Variants in LAMB2 observed in about 807,000 individuals in gnomAD.
LAMB2 encodes laminin subunit beta-2.
LAMB2 carries 119 observed loss-of-function variants against 202.7 expected under a neutral mutation model. The observed-to-expected ratio is 0.59, with a 90% CI of 0.51 to 0.68. The LOEUF is 0.68. Ranked by LOEUF, LAMB2 falls within the 30% of genes least tolerant of loss-of-function variation. LAMB2 has a pLI of 0.00. For missense variants in LAMB2, 2,124 were observed against 2,410.6 expected (o/e 0.88, Z 2.49); for synonymous variants, 818 against 902.2 (o/e 0.91, Z 1.67).
At position 49,130,145 on chromosome 3, in the gene LAMB2, A is replaced by G. The variant is rs2045465505; in HGVS notation, c.1225+86T>C. On this transcript the variant is annotated intron_variant, in intron 9 of 31. Coordinates refer to ENST00000305544, the MANE Select transcript of LAMB2 (RefSeq NM_002292.4). The surrounding 1 kb of genome is among the most constrained non-coding windows in gnomAD (Gnocchi z 5.0). ...GTTCTATCCCAAGCCCCTAACCCCA[A>G]TTTCCTGCAATTTAGACAGCAGTCC... 3.1e-6 allele frequency: 5 copies of G among 1,592,410 alleles called. No individual in the cohort carries two copies. The highest frequency in any genetic ancestry group is 4.3e-6 in the Non-Finnish European group (5 of 1,163,202).
At position 49,123,164 on chromosome 3, in the gene LAMB2, G is replaced by A. The variant is rs2045368274; in HGVS notation, c.4192C>T (p.His1398Tyr). ...RALGKLSAHT[H>Y]TLSLTDINEL... is the part of the protein sequence containing the mutation. ...TTTATGTCTGTCAGGCTCAGGGTGT[G>A]GGTATGGGCAGAGAGCTTGCCAAGT... Residue 1398 changes from histidine to tyrosine, a missense_variant, in exon 26 of 32, where the codon CAC (histidine) becomes TAC (tyrosine). Transcript: ENST00000305544. 2 of 1,613,500 alleles carry A rather than the reference G, an allele frequency of 1.2e-6. No individual in the cohort carries two copies. Among genetic ancestry groups the A allele is most frequent in the Non-Finnish European group, 1.7e-6 (2 of 1,180,008 alleles).
In LAMB2 at chr3:49,132,886, G is replaced by C. The variant is rs1384950435; in HGVS notation, c.-19C>G. The stretch of plus-strand genomic sequence containing the variant: ...GCTCCATCCTGAAGAGGGGAACAGG[G>C]ATAAGGGGAGGTGAACGGTCTCGGG... On this transcript the variant is annotated 5_prime_UTR_variant, in exon 1 of 32. It adds an upstream start codon to the 5' untranslated region. Transcript: ENST00000305544. This position sits in a 1 kb window ranked among gnomAD's most constrained non-coding sequence, Gnocchi z 4.6. The C allele has an allele frequency of 1.9e-6, 3 of 1,611,586 alleles. No homozygotes were observed. The highest frequency in any genetic ancestry group is 2.5e-6 in the Non-Finnish European group (3 of 1,177,810).
Position 49,131,072 on chromosome 3 carries a change from C to T in LAMB2, c.793G>A (p.Glu265Lys), listed in dbSNP as rs1407149160. The T allele has an allele frequency of 1.2e-6, 2 of 1,613,830 alleles. No homozygotes were observed. Among genetic ancestry groups the T allele is most frequent in the East Asian group, 2.2e-5 (1 of 44,890 alleles). The change falls in exon 7 of 32, where the codon GAG (glutamate) becomes AAG (lysine). Residue 265 changes from glutamate to lysine, a missense_variant. Around this residue, in one of 3 missense-constraint regions of LAMB2, gnomAD observed 256 missense variants for 356.1 expected, o/e 0.72. Transcript: ENST00000305544. The surrounding 1 kb of genome is among the most constrained non-coding windows in gnomAD (Gnocchi z 5.0). ...GCATAGTAGTACTTCTCTCGGATCT[C>T]CCTCCGTGGGTCGAGTAGGTTGTCT... ...LGDNLLDPRR[E>K]IREKYYYALY...
chr3:49,124,373 G>A, intron 22 of LAMB2, 22 bp downstream of exon 22: 1 of 1,612,808 alleles, frequency 6.2e-7, no homozygotes, highest in South Asian at 1.1e-5. Flanking sequence ...TCTAACCAGG[G>A]ATCTGCAGGA....
chr3:49,125,866 G>A lies in LAMB2; in HGVS notation c.2369C>T (p.Ser790Leu). The change falls in exon 18 of 32, where the codon TCA becomes TTA. Residue 790 changes from serine to leucine, a missense_variant. Ser to Leu is a moderately radical substitution (Grantham distance 145, BLOSUM62 -2). Around this residue, in one of 3 missense-constraint regions of LAMB2, gnomAD observed 1,702 missense variants for 1,896.3 expected, o/e 0.90. Transcript: ENST00000305544. ...ATGAGGGTTGCACTCAGAACTCAGTGAACCTTGAGGGTTGCACTGACATGC... is the reference window on the plus strand; with the variant it reads ...ATGAGGGTTGCACTCAGAACTCAGTAAACCTTGAGGGTTGCACTGACATGC... ...ALPCQCNPQG[S>L]LSSECNPHGG... The A allele has an allele frequency of 1.2e-6, 2 of 1,614,102 alleles. No homozygotes were observed. The highest frequency in any genetic ancestry group is 2.2e-5 in the East Asian group (1 of 44,876).
intron 27 of LAMB2, 30 bp from the exon 28 acceptor site, chr3:49,122,400 A>G (rs1406277806): frequency 4.4e-6 from 7 of 1,599,196 alleles, no homozygotes; most frequent in Non-Finnish European, 6.0e-6. Context: ...ACTTAAGAAC[A>G]TAGATTCTCC....
chr3:49,124,190 C>T lies in LAMB2; in HGVS notation c.3424G>A (p.Ala1142Thr). The change falls in exon 23 of 32, where the codon GCC (alanine) becomes ACC (threonine). Residue 1142 changes from alanine (A) to threonine (T), a missense_variant and splice_region_variant. Ala to Thr is a moderately conservative substitution (Grantham distance 58, BLOSUM62 0). Coordinates refer to ENST00000305544, the MANE Select transcript of LAMB2 (RefSeq NM_002292.4). ...ACCCTGGCCCCGCTGGCTCCCTCAC[C>T]ATGGCACTGCAACCCAGGGTCTCCC... Reference protein sequence around the residue: ...HWGDPGLQCHACDCDSRGIDT... With the variant: ...HWGDPGLQCHTCDCDSRGIDT... 6 of 1,614,138 alleles carry T rather than the reference C, an allele frequency of 3.7e-6. No individual in the cohort carries two copies. The highest frequency in any genetic ancestry group is 2.2e-5 in the East Asian group (1 of 44,890).
In LAMB2 at chr3:49,124,914, C is replaced by G; in HGVS notation, c.2896G>C (p.Glu966Gln). The change falls in exon 21 of 32, where the codon GAA becomes CAA. Residue 966 changes from glutamate to glutamine, a missense_variant. Coordinates refer to ENST00000305544, the MANE Select transcript of LAMB2 (RefSeq NM_002292.4). The part of the protein sequence containing the change: ...CRAGYTGLRC[E>Q]ACAPGHFGDP... ...CCAAAGTGCCCAGGGGCACAAGCTT[C>G]ACATCGCAGCCCTGCCCACGGTTAA... 2 of 1,614,076 alleles carry G rather than the reference C, an allele frequency of 1.2e-6. No homozygotes were observed. The highest frequency in any genetic ancestry group is 1.7e-6 in the Non-Finnish European group (2 of 1,180,036).
In LAMB2 at chr3:49,124,920, G is replaced by A. The variant is rs730880125; in HGVS notation, c.2890C>T (p.Arg964Ter). The change falls in exon 21 of 32, where the codon CGA becomes TGA. Residue 964 changes from arginine (R) to a stop codon, truncating the protein, a stop_gained. Coordinates refer to ENST00000305544, the MANE Select transcript of LAMB2 (RefSeq NM_002292.4). LOFTEE classifies it high-confidence loss of function. ...CHCRAGYTGL[R>*]CEACAPGHFG... is the part of the protein sequence containing the mutation. ...TGCCCAGGGGCACAAGCTTCACATCGCAGCCCTGCCCACGGTTAAGAGGAA... is the reference window on the plus strand; with the variant it reads ...TGCCCAGGGGCACAAGCTTCACATCACAGCCCTGCCCACGGTTAAGAGGAA... 6 of 1,613,830 alleles carry A rather than the reference G, an allele frequency of 3.7e-6. No homozygotes were observed. The highest frequency in any genetic ancestry group is 3.4e-6 in the Non-Finnish European group (4 of 1,180,040).
rs1193418106 is a variant in LAMB2, at chr3:49,130,104, C to G, written c.1226-86G>C. On this transcript the variant is annotated intron_variant, in intron 9 of 31. Coordinates refer to ENST00000305544, the MANE Select transcript of LAMB2 (RefSeq NM_002292.4). This position sits in a 1 kb window ranked among gnomAD's most constrained non-coding sequence, Gnocchi z 5.0. The stretch of plus-strand genomic sequence containing the variant: ...TCTCCTAAGCCTAAGGGATCCCACC[C>G]TGGATCCCTGGTCAAGTTCTATCCC... 1.3e-6 allele frequency: 2 copies of G among 1,559,698 alleles called. No individual in the cohort carries two copies. Among genetic ancestry groups the G allele is most frequent in the Non-Finnish European group, 1.8e-6 (2 of 1,131,560 alleles).
chr3:49,126,592 T>C (rs2045418476), intron 15 of LAMB2, 95 bp from the exon 16 acceptor site: 2 of 1,538,088 alleles, frequency 1.3e-6, no homozygotes, highest in Non-Finnish European at 1.8e-6. Context: ...ACCAGGCCAT[T>C]GGCCAAAGCA....
At position 49,132,524 on chromosome 3, in the gene LAMB2, GC is replaced by G; in HGVS notation, c.215del (p.Gly72AlafsTer40). 1.2e-6 allele frequency: 2 copies of G among 1,613,690 alleles called. No homozygotes were observed. The highest frequency in any genetic ancestry group is 1.7e-6 in the Non-Finnish European group (2 of 1,180,022). On this transcript the variant is annotated frameshift_variant, in exon 2 of 32. Transcript: ENST00000305544. LOFTEE classifies it high-confidence loss of function. This position sits in a 1 kb window ranked among gnomAD's most constrained non-coding sequence, Gnocchi z 4.6. ...LTASSTCGLNGPQPYCIVSHL... is the reference protein window; with the variant it reads ...LTASSTCGLNXPQPYCIVSHL... Reference sequence around the variant, plus strand: ...GACTGACGATGCAGTAGGGCTGGGGGCCATTCAGGCCACAAGTGGATGAGGC... The same window carrying G: ...GACTGACGATGCAGTAGGGCTGGGGGCATTCAGGCCACAAGTGGATGAGGC...
In LAMB2 at chr3:49,125,442, T is replaced by C. The variant is rs530637009; in HGVS notation, c.2531A>G (p.Glu844Gly). ...ACAGAGACATTGCCCACTGGTCTTT[T>C]CACAGAGACTGCTGAGTGCCCCCTC... ...SHEGALSSLCEKTSGQCLCRT... is the reference protein window; with the variant it reads ...SHEGALSSLCGKTSGQCLCRT... The change falls in exon 19 of 32, where the codon GAA (glutamate) becomes GGA (glycine). Residue 844 changes from glutamate (E) to glycine (G), a missense_variant. By Grantham distance (98) the Glu-to-Gly change is moderately conservative. Coordinates refer to ENST00000305544, the MANE Select transcript of LAMB2 (RefSeq NM_002292.4). 3 of 1,613,028 alleles carry C rather than the reference T, an allele frequency of 1.9e-6. No individual in the cohort carries two copies. Among genetic ancestry groups the C allele is most frequent in the Admixed American group, 3.3e-5 (2 of 59,848 alleles).
chr3:49,129,576 C>G lies in LAMB2; in HGVS notation c.1518+28G>C. On this transcript the variant is annotated intron_variant, in intron 11 of 31. Transcript: ENST00000305544. This position sits in a 1 kb window ranked among gnomAD's most constrained non-coding sequence, Gnocchi z 6.1. ...TGTGCTCTAAGGACAAATCATGCCC[C>G]TAGAACTCCAGCCCCTTCCAGTCGC... The G allele has an allele frequency of 6.4e-7, 1 of 1,564,250 alleles. No homozygotes were observed. The highest frequency in any genetic ancestry group is 1.1e-5 in the South Asian group (1 of 89,996).
rs201756319 is a variant in LAMB2 at position 49,125,164 on chromosome 3, A to G, written c.2726T>C (p.Ile909Thr). Residue 909 changes from isoleucine (I) to threonine (T), a missense_variant, in exon 20 of 32, where the codon ATT becomes ACT. By Grantham distance (89) the Ile-to-Thr change is moderately conservative (BLOSUM62 -1). Transcript: ENST00000305544. Reference protein sequence around the residue: ...HTGGEHCERCIAGFHGDPRLP... With the variant: ...HTGGEHCERCTAGFHGDPRLP... ...CCGTGGGTCCCCGTGGAAACCAGCA[A>G]TGCACCTGCAGGGAGGAGGAAGAAG... is the stretch of plus-strand genomic sequence containing the variant. 12 of 1,613,406 alleles carry G rather than the reference A, an allele frequency of 7.4e-6. No individual in the cohort carries two copies. The highest frequency in any genetic ancestry group is 3.3e-5 in the Admixed American group (2 of 60,014).
Position 49,122,286 on chromosome 3 carries a change from TG to T in LAMB2, c.4657del (p.Gln1553SerfsTer25). ...LSIPASAEQIQHLAGAIAERV... is the reference protein window; with the variant it reads ...LSIPASAEQIXHLAGAIAERV... ...CTCTGCAATCGCACCCGCCAGGTGCTGGATCTGCTCAGCTGAAGCTGGGATG... is the reference window on the plus strand; with the variant it reads ...CTCTGCAATCGCACCCGCCAGGTGCTGATCTGCTCAGCTGAAGCTGGGATG... On this transcript the variant is annotated frameshift_variant, in exon 28 of 32. Coordinates refer to ENST00000305544, the MANE Select transcript of LAMB2 (RefSeq NM_002292.4). LOFTEE classifies it high-confidence loss of function. 1 of 1,613,578 alleles carries T rather than the reference TG, an allele frequency of 6.2e-7. No homozygotes were observed. The highest frequency in any genetic ancestry group is 1.1e-5 in the South Asian group (1 of 91,090).
At position 49,126,508 on chromosome 3, in the gene LAMB2, G is replaced by C. The variant is rs775758192; in HGVS notation, c.2019-11C>G. ...GGAAATATCAAGTACCTGGGGGCGAGTGGGGACAGGTGCAGTGGGTCATCT... is the reference window on the plus strand; with the variant it reads ...GGAAATATCAAGTACCTGGGGGCGACTGGGGACAGGTGCAGTGGGTCATCT... On this transcript the variant is annotated splice_polypyrimidine_tract_variant and intron_variant, in intron 15 of 31. Transcript: ENST00000305544. 10 of 1,613,902 alleles carry C rather than the reference G, an allele frequency of 6.2e-6. No individual in the cohort carries two copies. Among genetic ancestry groups the C allele is most frequent in the Non-Finnish European group, 8.5e-6 (10 of 1,180,008 alleles).
intron 27 of LAMB2, 148 bp downstream of exon 27, chr3:49,122,556 T>A (rs572176418): frequency 4.4e-6 from 4 of 919,386 alleles, no homozygotes; most frequent in Admixed American, 3.7e-5. Context: ...TGGGACCACA[T>A]ATGGGCAATA....
chr3:49,130,972 G>T lies in LAMB2; in HGVS notation c.893C>A (p.Ala298Glu), dbSNP rs766673357. The T allele has an allele frequency of 2.5e-6, 4 of 1,614,112 alleles. No individual in the cohort carries two copies. In the South Asian group the frequency reaches 4.4e-5, roughly 18 times the overall value. Residue 298 changes from alanine to glutamate, a missense_variant, in exon 7 of 32, where the codon GCA (alanine) becomes GAA (glutamate). Physicochemically the swap from Ala to Glu is moderately radical, Grantham distance 107. Around this residue, in one of 3 missense-constraint regions of LAMB2, gnomAD observed 256 missense variants for 356.1 expected, o/e 0.72. Coordinates refer to ENST00000305544, the MANE Select transcript of LAMB2 (RefSeq NM_002292.4). This position sits in a 1 kb window ranked among gnomAD's most constrained non-coding sequence, Gnocchi z 5.0. ...HASECAPAPG[A>E]PAHAEGMVHG... ...TACCATGCCCTCAGCATGGGCTGGT[G>T]CCCCTGGGGCGGGTGCACACTCTGA...
Sources: allele counts gnomAD v4.1 joint callset, GRCh38; gene constraint gnomAD v4.1.1; regional missense constraint gnomAD v4.1.1; non-coding constraint Gnocchi (gnomAD v3.1); transcripts MANE v1.5; gene names NCBI Gene and HGNC (gene_info 2026-07-23, HGNC 2026-07-21).